NUB1: variants seen among roughly 807,000 people sequenced by gnomAD.
NUB1 encodes the protein negative regulator of ubiquitin like proteins 1, also known as NEDD8 ultimate buster 1.
A neutral mutation model predicts 77.1 loss-of-function variants in NUB1; 41 were observed. The ratio of observed to expected loss-of-function variants is 0.53; its 90% confidence interval spans 0.41 to 0.69. The LOEUF is 0.69. Ranked by LOEUF, NUB1 falls within the 30% of genes least tolerant of loss-of-function variation. The pLI is 0.00. For missense variants in NUB1, 643 were observed against 743.8 expected (o/e 0.86, Z 1.58); for synonymous variants, 257 against 281.0 (o/e 0.91, Z 0.85).
intron 8 of NUB1, among the ~76,000 whole-genome samples, chr7:151,361,806 C>A (rs1797393853): frequency 6.6e-6 from 1 of 152,104 alleles, no homozygotes; most frequent in South Asian, 2.1e-4. Flanking sequence ...CTGGTTTGTG[C>A]TTCTGGGGTC....
intron 2 of NUB1, among the ~76,000 whole-genome samples, chr7:151,347,988 A>G (rs1796581494): frequency 6.6e-6 from 1 of 152,186 alleles, no homozygotes; most frequent in Non-Finnish European, 1.5e-5. Context: ...CGTAACTGAA[A>G]TATTTGGGAC....
chr7:151,377,322 A>C lies in NUB1; in HGVS notation c.*97A>C. ...TCTGTTCTTACTTTTTATCTGAATTACAAGTCCTCTTTGGGTGTAGGAGGG... is the reference window on the plus strand; with the variant it reads ...TCTGTTCTTACTTTTTATCTGAATTCCAAGTCCTCTTTGGGTGTAGGAGGG... On this transcript the variant is annotated 3_prime_UTR_variant, in exon 15 of 15. Transcript: ENST00000568733. 2.3e-6 allele frequency: 2 copies of C among 886,404 alleles called. No homozygotes were observed. The highest frequency in any genetic ancestry group is 1.7e-6 in the Non-Finnish European group (1 of 603,040). 54.9% of individuals were successfully genotyped at this position (886,404 alleles called of 1,614,324 possible).
chr7:151,367,238 T>A, intron 9 of NUB1, 113 bp downstream of exon 9: 1 of 767,476 alleles, frequency 1.3e-6, no homozygotes, highest in Non-Finnish European at 2.1e-6. Context: ...TTGATAGTAG[T>A]ATGCAGTATA....
rs954469694 is a variant in NUB1, at chr7:151,377,066, A to G, written c.1689A>G (p.Thr563=). The change falls in exon 15 of 15, where the codon ACA becomes ACG. Residue 563 remains threonine, a synonymous_variant. Coordinates refer to ENST00000568733, the MANE Select transcript of NUB1 (RefSeq NM_001243351.2). ...SDSAGTSSAS[T]DEDMETEAVN... is the part of the protein sequence containing the mutation. ...TTGTAGGAACCTCTAGTGCCTCAAC[A>G]GACGAAGACATGGAGACAGAGGCCG... The G allele has an allele frequency of 5.1e-6, 8 of 1,562,574 alleles. No individual in the cohort carries two copies. Among genetic ancestry groups the G allele is most frequent in the Admixed American group, 2.0e-5 (1 of 49,554 alleles).
intron 1 of NUB1, 58 bp downstream of exon 1, chr7:151,341,904 C>G: frequency 2.1e-6 from 3 of 1,428,694 alleles, no homozygotes; most frequent in Non-Finnish European, 2.7e-6. Context: ...TGCTTGGCGC[C>G]CCGGTTCCCG....
chr7:151,369,727 A>C (rs564433238), intron 11 of NUB1, among the ~76,000 whole-genome samples: 8 of 152,330 alleles, frequency 5.3e-5, no homozygotes, highest in African/African-American at 1.9e-4. Context: ...CCAAAACAAG[A>C]AGTTGGTACT....
intron 12 of NUB1, among the ~76,000 whole-genome samples, chr7:151,374,871 G>C (rs569373264): frequency 6.6e-6 from 1 of 152,342 alleles, no homozygotes; most frequent in East Asian, 1.9e-4. Flanking sequence ...GACAAACTCA[G>C]AGCACACGTG....
At chr7:151,372,614 G>A (rs971428725) in intron 11 of NUB1, among the ~76,000 whole-genome samples, 10 of 152,232 alleles carry the variant, frequency 6.6e-5, no homozygotes, top group Non-Finnish European at 1.5e-4. Context: ...TGGCATGTGT[G>A]GTTGGGGTGG....
At chr7:151,354,674 G>C (rs1246752151) in intron 5 of NUB1, among the ~76,000 whole-genome samples, 1 of 152,160 alleles carries the variant, frequency 6.6e-6, no homozygotes, top group Non-Finnish European at 1.5e-5. Context: ...TGAGGAAACT[G>C]AGTCCTAGAA....
At chr7:151,363,810 C>T (rs1288376286) in intron 8 of NUB1, among the ~76,000 whole-genome samples, 1 of 152,030 alleles carries the variant, frequency 6.6e-6, no homozygotes, top group African/African-American at 2.4e-5. Context: ...CGGAGTCTCA[C>T]TCTGTCGCCC....
rs988714538 is a variant in NUB1 at position 151,362,692 on chromosome 7, G to A, written c.800+2445G>A. Among the ~76,000 whole-genome samples, 19 of 152,340 alleles carry A rather than the reference G, an allele frequency of 1.2e-4. 1 individual carries two copies. Among genetic ancestry groups the A allele is most frequent in the Admixed American group, 1.1e-3 (17 of 15,302 alleles). On this transcript the variant is annotated intron_variant, in intron 8 of 14. Coordinates refer to ENST00000568733, the MANE Select transcript of NUB1 (RefSeq NM_001243351.2). ...TAAAGAGATGGAGCTGGGCTTGCAG[G>A]AGGCCAAGGAGGTGAGAGGAGCAAG...
chr7:151,368,844 G>A lies in NUB1; in HGVS notation c.1205G>A (p.Gly402Glu). The part of the protein sequence containing the change: ...EARLGLRACD[G>E]NVDHAATHIT... The stretch of plus-strand genomic sequence containing the variant: ...CGGCTTGGCCTGAGGGCGTGTGATG[G>A]GAACGTGGATCATGCGGCCACTCAT... The change falls in exon 11 of 15, where the codon GGG becomes GAG. Residue 402 changes from glycine (G) to glutamate (E), a missense_variant. Coordinates refer to ENST00000568733, the MANE Select transcript of NUB1 (RefSeq NM_001243351.2). 1.9e-6 allele frequency: 3 copies of A among 1,613,962 alleles called. No individual in the cohort carries two copies. Among genetic ancestry groups the A allele is most frequent in the Non-Finnish European group, 8.5e-7 (1 of 1,179,888 alleles).
chr7:151,363,715 A>T (rs1797496632), intron 8 of NUB1, among the ~76,000 whole-genome samples: 1 of 152,204 alleles, frequency 6.6e-6, no homozygotes, highest in Non-Finnish European at 1.5e-5. Context: ...AAAACCAGTA[A>T]TAAAATTGAA....
intron 4 of NUB1, 30 bp from the exon 5 acceptor site, chr7:151,352,782 C>T: frequency 7.3e-7 from 1 of 1,363,292 alleles, no homozygotes; most frequent in South Asian, 1.2e-5. Flanking sequence ...ATTTTGTTTT[C>T]CTACAATTTT....
intron 12 of NUB1, chr7:151,374,593 A>G (rs1798121582): frequency 2.9e-6 from 1 of 345,392 alleles, no homozygotes; most frequent in African/African-American, 2.1e-5. Context: ...AACTTGTAGT[A>G]TAATTGTTTG....
chr7:151,356,039 C>G (rs1179268613), intron 6 of NUB1, 89 bp downstream of exon 6: 4 of 1,541,620 alleles, frequency 2.6e-6, no homozygotes, highest in Non-Finnish European at 3.6e-6. Flanking sequence ...CTCACTGAGT[C>G]TCACCTCAAC....
chr7:151,359,779 A>C (rs1315460085), intron 7 of NUB1, among the ~76,000 whole-genome samples: 1 of 152,230 alleles, frequency 6.6e-6, no homozygotes. Flanking sequence ...TCCGTCTCAA[A>C]AAAATAAAAT....
rs1044547074 is a variant in NUB1, at chr7:151,343,977, T to A, written c.-2-1371T>A. On this transcript the variant is annotated intron_variant, in intron 1 of 14. Coordinates refer to ENST00000568733, the MANE Select transcript of NUB1 (RefSeq NM_001243351.2). ...CGGGCGGATCACAAGGTCAGGAGAT[T>A]GAGACCATCCTGGCCAACACGGTGA... Among the ~76,000 whole-genome samples, 18 of 151,808 alleles carry A rather than the reference T, an allele frequency of 1.2e-4. 1 individual carries two copies. The highest frequency in any genetic ancestry group is 2.1e-4 in the Non-Finnish European group (14 of 67,900).
chr7:151,370,919 TC>T (rs1797930052), intron 11 of NUB1, among the ~76,000 whole-genome samples: 1 of 152,122 alleles, frequency 6.6e-6, no homozygotes, highest in African/African-American at 2.4e-5. Flanking sequence ...AGACTATAGT[TC>T]ATAAAACATT....
Sources: allele counts gnomAD v4.1 joint callset (sites outside exome capture counted in the v4.1 genomes callset), GRCh38; gene constraint gnomAD v4.1.1; transcripts MANE v1.5; gene names NCBI Gene and HGNC (gene_info 2026-07-23, HGNC 2026-07-21).